The following USH1C variants were observed in gnomAD, a reference collection of about 807,000 sequenced individuals.
The protein encoded by USH1C is USH1 protein network component harmonin.
Under a neutral mutation model 119.3 loss-of-function variants are expected in USH1C, and 90 were observed. The observed-to-expected ratio is 0.75, with a 90% CI of 0.64 to 0.90. USH1C has a LOEUF of 0.90. USH1C is among the 40% of genes least tolerant of loss of function. USH1C has a pLI of 0.00. For synonymous variants in USH1C, 465 were observed against 443.3 expected, an observed-to-expected ratio of 1.05 and a Z score of -0.62; for missense variants, 1,165 against 1,167.7, an observed-to-expected ratio of 1.00 and a Z score of 0.03.
At position 17,504,656 on chromosome 11, in the gene USH1C, T is replaced by C. The variant is rs565783252; in HGVS notation, c.2175A>G (p.Ala725=). 5.0e-6 allele frequency: 8 copies of C among 1,613,982 alleles called. No homozygotes were observed. The Admixed American group carries it at 8.3e-5, about 17-fold the overall frequency. The part of the protein sequence containing the change: ...MLKRMVVYQT[A]FRQDFRKYEE... ...ATGGGTATCAGTTTACTTGTCTGAATGCTGTCTGATAAACCACCATCCTCT... is the reference window on the plus strand; with the variant it reads ...ATGGGTATCAGTTTACTTGTCTGAACGCTGTCTGATAAACCACCATCCTCT... The change falls in exon 20 of 27, where the codon GCA becomes GCG. Residue 725 remains alanine (A), a synonymous_variant. Coordinates refer to ENST00000005226, the MANE Select transcript of USH1C (RefSeq NM_153676.4).
chr11:17,516,433 C>T, intron 14 of USH1C, 143 bp from the exon 15 acceptor site: 2 of 836,394 alleles, frequency 2.4e-6, no homozygotes, highest in South Asian at 1.4e-5. Context: ...CAAAACTGCA[C>T]CCTCTGTCCA....
intron 25 of USH1C, among the ~76,000 whole-genome samples, chr11:17,496,487 G>A (rs547625411): frequency 1.2e-4 from 19 of 152,322 alleles, no homozygotes; most frequent in African/African-American, 4.6e-4. Context: ...TTTTCCCAAC[G>A]TCTCTGCTTA....
At chr11:17,541,756 C>G (rs1851475776) in intron 1 of USH1C, among the ~76,000 whole-genome samples, 1 of 152,224 alleles carries the variant, frequency 6.6e-6, no homozygotes. Context: ...ATGCCTGGAG[C>G]CTGTTGGCTC....
At chr11:17,516,562 A>T (rs1850155246) in intron 14 of USH1C, 2 of 495,202 alleles carry the variant, frequency 4.0e-6, no homozygotes, top group Admixed American at 3.3e-5. Context: ...TGGTTTCAGA[A>T]GTCAGGGCCA....
At chr11:17,500,255 TCAGA>T (rs1372375719) in intron 23 of USH1C, among the ~76,000 whole-genome samples, 1 of 152,188 alleles carries the variant, frequency 6.6e-6, no homozygotes, top group Non-Finnish European at 1.5e-5. Flanking sequence ...GCAGAAGACC[TCAGA>T]CAGAGGTGGC....
At chr11:17,500,622 G>A (rs114990976) in intron 23 of USH1C, among the ~76,000 whole-genome samples, 1,761 of 152,180 alleles carry the variant, frequency 0.012, 37 homozygotes, top group African/African-American at 0.04. Flanking sequence ...TCCCCTTCGC[G>A]AGGCTGACAT....
chr11:17,520,305 A>G (rs896129106), intron 14 of USH1C, among the ~76,000 whole-genome samples: 1 of 152,182 alleles, frequency 6.6e-6, no homozygotes, highest in African/African-American at 2.4e-5. Context: ...AGGACAGCAC[A>G]GCCACAGCCC....
At position 17,531,814 on chromosome 11, in the gene USH1C, C is replaced by G. The variant is rs113481352; in HGVS notation, c.105-272G>C. ...GGATTTCAAACTCAGCGCTGCCTAT[C>G]TCGGCTGTTGGGATCTTTCCAGAGG... On this transcript the variant is annotated intron_variant, in intron 2 of 26. Transcript: ENST00000005226. This position sits in a 1 kb window ranked among gnomAD's most constrained non-coding sequence, Gnocchi z 4.2. Among the ~76,000 whole-genome samples, 428 of 152,338 alleles carry G rather than the reference C, an allele frequency of 2.8e-3. 3 individuals are homozygous for G. Among genetic ancestry groups the G allele is most frequent in the African/African-American group, 9.2e-3 (381 of 41,576 alleles).
Position 17,495,170 on chromosome 11 carries a change from G to T in USH1C, c.2655+399C>A, listed in dbSNP as rs1849201997. ...TCACATTCTGTTGAGGACATCTCTT[G>T]GGGGCAATTCCAGCCAGGCTTCCTG... On this transcript the variant is annotated intron_variant, in intron 26 of 26. Coordinates refer to ENST00000005226, the MANE Select transcript of USH1C (RefSeq NM_153676.4). 4.7e-5 allele frequency: 14 copies of T among 300,740 alleles called. No individual in the cohort carries two copies. The South Asian group carries it at 4.7e-4, about 10-fold the overall frequency. The allele number at this position is 300,740 out of a possible 1,614,324, so 18.6% of individuals were successfully genotyped here.
In USH1C at chr11:17,521,441, G is replaced by T. The variant is rs191271622; in HGVS notation, c.1020-30C>A. The T allele has an allele frequency of 1.9e-6, 3 of 1,610,136 alleles. No homozygotes were observed. The African/African-American group carries it at 4.0e-5, about 21-fold the overall frequency. On this transcript the variant is annotated intron_variant, in intron 12 of 26. Coordinates refer to ENST00000005226, the MANE Select transcript of USH1C (RefSeq NM_153676.4). ...AACACAAATGCAGATTGGCATGTTTGGCCCTATGCAAGAGAAATGAACTCT... is the reference window on the plus strand; with the variant it reads ...AACACAAATGCAGATTGGCATGTTTTGCCCTATGCAAGAGAAATGAACTCT...
At position 17,524,548 on chromosome 11, in the gene USH1C, G is replaced by T; in HGVS notation, c.675-13C>A. On this transcript the variant is annotated splice_polypyrimidine_tract_variant and intron_variant, in intron 8 of 26. Coordinates refer to ENST00000005226, the MANE Select transcript of USH1C (RefSeq NM_153676.4). ...GCCGCTGGAAATGCTGCGGGAGGTG[G>T]GAAATGTGTGCTCGGGATTCAGGTA... is the stretch of plus-strand genomic sequence containing the variant. 2 of 1,554,414 alleles carry T rather than the reference G, an allele frequency of 1.3e-6. No homozygotes were observed. The highest frequency in any genetic ancestry group is 1.7e-6 in the Non-Finnish European group (2 of 1,148,240).
chr11:17,501,012 T>C, intron 23 of USH1C, 39 bp downstream of exon 23: 1 of 1,574,094 alleles, frequency 6.4e-7, no homozygotes, highest in Non-Finnish European at 8.7e-7. Flanking sequence ...CTAACCACTG[T>C]ATCATCCCCA....
rs1419151672 is a variant in USH1C at position 17,533,601 on chromosome 11, T to C, written c.37-279A>G. On this transcript the variant is annotated intron_variant, in intron 1 of 26. Coordinates refer to ENST00000005226, the MANE Select transcript of USH1C (RefSeq NM_153676.4). The stretch of plus-strand genomic sequence containing the variant: ...GGGGCAATATGTGCACACACGGGGA[T>C]GAACACACATAGGTACATATGTGAA... The C allele has an allele frequency of 1.2e-5, 7 of 579,052 alleles. No homozygotes were observed. The East Asian group carries it at 1.3e-4, about 11-fold the overall frequency. 35.9% of individuals were successfully genotyped at this position (579,052 alleles called of 1,614,324 possible). A position where few individuals can be genotyped will look rare whatever the true frequency, so the allele number is the denominator to read the frequency against.
rs1850392252 is a variant in USH1C, at chr11:17,521,078, T to C, written c.1086-84A>G. The C allele has an allele frequency of 7.0e-6, 11 of 1,574,682 alleles. No homozygotes were observed. In the South Asian group the frequency reaches 1.2e-4, roughly 17 times the overall value. On this transcript the variant is annotated intron_variant, in intron 13 of 26. Transcript: ENST00000005226. ...GCATATCGGAGAGCCCCAGCCAGCC[T>C]GGGGAGAAGCCTCATGGTTCTAGTC...
At chr11:17,496,885 C>G in intron 24 of USH1C, 72 bp from the exon 25 acceptor site, 6 of 1,573,052 alleles carry the variant, frequency 3.8e-6, no homozygotes, top group Non-Finnish European at 5.2e-6. Flanking sequence ...ACTCCATCCC[C>G]ATTTCTGGGC....
intron 1 of USH1C, among the ~76,000 whole-genome samples, chr11:17,543,453 A>C (rs1224138739): frequency 6.6e-6 from 1 of 151,896 alleles, no homozygotes; most frequent in Non-Finnish European, 1.5e-5. Flanking sequence ...ACTCAGAGGC[A>C]TCCTAAGACT....
At chr11:17,535,464 G>A (rs745828273) in intron 1 of USH1C, among the ~76,000 whole-genome samples, 2 of 152,024 alleles carry the variant, frequency 1.3e-5, no homozygotes, top group African/African-American at 4.8e-5. Context: ...TTCACAGATC[G>A]ACTACAATTT....
At chr11:17,527,572 G>A (rs1041593150) in intron 4 of USH1C, among the ~76,000 whole-genome samples, 2 of 152,152 alleles carry the variant, frequency 1.3e-5, no homozygotes, top group Non-Finnish European at 2.9e-5. Flanking sequence ...CAAGACAGGG[G>A]TGAGGGGCAC....
intron 14 of USH1C, among the ~76,000 whole-genome samples, chr11:17,519,053 G>A (rs1850293624): frequency 6.6e-6 from 1 of 151,718 alleles, no homozygotes. Flanking sequence ...CCCACCCCTT[G>A]CAGGCATAGA....
Sources: gnomAD v4.1 joint callset for allele counts (sites outside exome capture counted in the v4.1 genomes callset) on GRCh38, gnomAD v4.1.1 for gene constraint, Gnocchi (gnomAD v3.1) non-coding constraint, MANE v1.5 for transcripts, NCBI Gene and HGNC (gene_info 2026-07-23, HGNC 2026-07-21) for gene names.